PIK3C2B: variants seen among roughly 807,000 people sequenced by gnomAD.
PIK3C2B encodes the protein phosphatidylinositol-4-phosphate 3-kinase catalytic subunit type 2 beta, also known as phosphatidylinositol 4-phosphate 3-kinase C2 domain-containing subunit beta.
In PIK3C2B, 83 loss-of-function variants were observed where a neutral mutation model predicts 184.3. That is an observed-to-expected ratio of 0.45 (90% CI 0.38 to 0.54). The LOEUF (loss-of-function observed/expected upper bound fraction) is 0.54, where lower values mean the gene tolerates loss of function less well. Ranked by LOEUF, PIK3C2B falls within the 20% of genes least tolerant of loss-of-function variation. PIK3C2B has a pLI of 0.00. For missense variants in PIK3C2B, 1,736 were observed against 2,113.5 expected, an observed-to-expected ratio of 0.82 and a Z score of 3.50; for synonymous variants, 779 against 837.6, an observed-to-expected ratio of 0.93 and a Z score of 1.21.
In PIK3C2B at chr1:204,455,880, C is replaced by T. The variant is rs1311002740; in HGVS notation, c.1919G>A (p.Arg640His). ...CCTGGTAGCCCAGATGATGGGGATG[C>T]GGTGGGTGGCATAGACAGTGAAGGC... ...SLAFTVYATHRIPIIWATSYE... is the reference protein window; with the variant it reads ...SLAFTVYATHHIPIIWATSYE... Residue 640 changes from arginine to histidine, a missense_variant, in exon 11 of 33, where the codon CGC becomes CAC. This residue lies in a region of PIK3C2B where 609 missense variants were observed against 699.2 expected (regional missense o/e 0.87). Transcript: ENST00000684373. The T allele has an allele frequency of 1.1e-5, 17 of 1,612,344 alleles. No individual in the cohort carries two copies. Among genetic ancestry groups the T allele is most frequent in the African/African-American group, 5.3e-5 (4 of 74,910 alleles).
chr1:204,478,009 A>C (rs1426632109), intron 1 of PIK3C2B, among the ~76,000 whole-genome samples: 1 of 152,136 alleles, frequency 6.6e-6, no homozygotes, highest in African/African-American at 2.4e-5. Context: ...AAAGCTCTCA[A>C]GCAAGGCGGT....
chr1:204,451,012 C>G (rs1558250795), intron 12 of PIK3C2B, among the ~76,000 whole-genome samples: 2 of 152,220 alleles, frequency 1.3e-5, no homozygotes, highest in Non-Finnish European at 2.9e-5. Flanking sequence ...CCGCTGTCCT[C>G]CAGAGGAATC....
At chr1:204,430,901 A>G (rs935360343) in intron 28 of PIK3C2B, among the ~76,000 whole-genome samples, 1 of 150,412 alleles carries the variant, frequency 6.6e-6, no homozygotes, top group Non-Finnish European at 1.5e-5. Flanking sequence ...CAATCTGCCC[A>G]CCTAGGCCTC....
At chr1:204,440,938 G>A (rs747887303) in intron 21 of PIK3C2B, among the ~76,000 whole-genome samples, 5 of 152,078 alleles carry the variant, frequency 3.3e-5, no homozygotes, top group Non-Finnish European at 4.4e-5. Context: ...AAACTTGAAC[G>A]TTTAGACTTT....
chr1:204,442,254 A>T (rs1194127101), intron 20 of PIK3C2B, among the ~76,000 whole-genome samples: 2 of 152,178 alleles, frequency 1.3e-5, no homozygotes, highest in African/African-American at 4.8e-5. Context: ...TCTGTCTTTA[A>T]GCAGAGTTCA....
chr1:204,435,594 A>G (rs907211278), intron 23 of PIK3C2B: 4 of 152,150 alleles, frequency 2.6e-5, no homozygotes, highest in Non-Finnish European at 4.4e-5. Flanking sequence ...CAGACCTTCC[A>G]AGCTCATACT....
At chr1:204,465,508 C>T (rs1220841442) in intron 2 of PIK3C2B, among the ~76,000 whole-genome samples, 189 bp from the exon 3 acceptor site, 1 of 152,208 alleles carries the variant, frequency 6.6e-6, no homozygotes, top group Non-Finnish European at 1.5e-5. Flanking sequence ...AGACCAGGAG[C>T]CAAGTTGAAG....
chr1:204,432,680 T>C (rs926332918), intron 26 of PIK3C2B, among the ~76,000 whole-genome samples: 1 of 152,228 alleles, frequency 6.6e-6, no homozygotes, highest in Non-Finnish European at 1.5e-5. Flanking sequence ...TCACTCTCTC[T>C]GTGTAAATGT....
rs991467788 is a variant in PIK3C2B at position 204,431,747 on chromosome 1, T to C, written c.4202A>G (p.Tyr1401Cys). ...VMRENTHEAT[Y>C]IQRTFEEFQE... ...GAACTCCTCAAAGGTCCGCTGGATG[T>C]AGGTGGCCTCGTGAGTGTTCTCTCG... The change falls in exon 28 of 33, where the codon TAC becomes TGC. Residue 1401 changes from tyrosine (Y) to cysteine (C), a missense_variant. By Grantham distance (194) the Tyr-to-Cys change is radical. This residue lies in a region of PIK3C2B where 200 missense variants were observed against 199.1 expected (regional missense o/e 1.00). Coordinates refer to ENST00000684373, the MANE Select transcript of PIK3C2B (RefSeq NM_001377334.1). The C allele has an allele frequency of 6.2e-7, 1 of 1,614,190 alleles. No individual in the cohort carries two copies. The highest frequency in any genetic ancestry group is 8.5e-7 in the Non-Finnish European group (1 of 1,180,014).
intron 1 of PIK3C2B, among the ~76,000 whole-genome samples, chr1:204,473,387 G>T (rs757886236): frequency 6.6e-6 from 1 of 152,236 alleles, no homozygotes; most frequent in Non-Finnish European, 1.5e-5. Flanking sequence ...GCTCCTTACA[G>T]ATCACTTTTT....
chr1:204,441,883 G>A (rs919701765), intron 20 of PIK3C2B, among the ~76,000 whole-genome samples: 3 of 152,126 alleles, frequency 2.0e-5, no homozygotes, highest in African/African-American at 7.2e-5. Flanking sequence ...TTACTCCTCT[G>A]TAAAAGGGGA....
At chr1:204,491,933 G>A (rs1658041009) in intron 1 of PIK3C2B, among the ~76,000 whole-genome samples, 1 of 152,106 alleles carries the variant, frequency 6.6e-6, no homozygotes, top group South Asian at 2.1e-4. Flanking sequence ...AATATCATGA[G>A]GCATCCTTTC....
intron 27 of PIK3C2B, 83 bp downstream of exon 27, chr1:204,432,117 G>A (rs1205665506): frequency 2.4e-6 from 3 of 1,235,592 alleles, no homozygotes; most frequent in South Asian, 1.3e-5. Context: ...TGCCCACTGT[G>A]CAAGTGTGGA....
intron 1 of PIK3C2B, among the ~76,000 whole-genome samples, chr1:204,477,205 A>C (rs1170334827): frequency 6.6e-6 from 1 of 152,174 alleles, no homozygotes; most frequent in Non-Finnish European, 1.5e-5. Flanking sequence ...CGAAGCTTTA[A>C]AAATATACAC....
intron 16 of PIK3C2B, among the ~76,000 whole-genome samples, chr1:204,445,187 T>C (rs956796184): frequency 6.7e-6 from 1 of 148,666 alleles, no homozygotes; most frequent in Non-Finnish European, 1.5e-5. Context: ...TTTGCTTATG[T>C]ATAAATGTTG....
Position 204,432,365 on chromosome 1 carries a change from C to T in PIK3C2B, c.3990G>A (p.Lys1330=), listed in dbSNP as rs2103470189. ...IESSLGSVAT[K]LNFFIHNLAQ... is the part of the protein sequence containing the mutation. ...CCAGATTATGGATGAAAAAATTGAG[C>T]TTTGTGGCTACACTGCCCAGGCTGG... The change falls in exon 27 of 33, where the codon AAG becomes AAA. Residue 1330 remains lysine (K), a synonymous_variant. Transcript: ENST00000684373. 1.9e-6 allele frequency: 3 copies of T among 1,614,112 alleles called. No homozygotes were observed. The highest frequency in any genetic ancestry group is 2.5e-6 in the Non-Finnish European group (3 of 1,180,026).
At chr1:204,446,368 G>C (rs2103485590) in intron 15 of PIK3C2B, among the ~76,000 whole-genome samples, 1 of 152,344 alleles carries the variant, frequency 6.6e-6, no homozygotes, top group African/African-American at 2.4e-5. Context: ...AATGGCTGGG[G>C]AAGCCAGGCA....
intron 12 of PIK3C2B, among the ~76,000 whole-genome samples, chr1:204,453,430 A>G (rs1654543099): frequency 6.6e-6 from 1 of 152,166 alleles, no homozygotes; most frequent in Non-Finnish European, 1.5e-5. Context: ...TTTCATATTT[A>G]TATTTATAAC....
chr1:204,480,632 G>T lies in PIK3C2B; in HGVS notation c.-84-10746C>A, dbSNP rs545495898. Among the ~76,000 whole-genome samples, 5 of 152,170 alleles carry T rather than the reference G, an allele frequency of 3.3e-5. No homozygotes were observed. The South Asian group carries it at 8.3e-4, about 25-fold the overall frequency. ...GGTGCTGTCTGTGGGGAGGATGGGG[G>T]TGACTGCCTGTAAGCCTGGGTGCAG... On this transcript the variant is annotated intron_variant, in intron 1 of 32. Coordinates refer to ENST00000684373, the MANE Select transcript of PIK3C2B (RefSeq NM_001377334.1).
Sources: allele counts gnomAD v4.1 joint callset (sites outside exome capture counted in the v4.1 genomes callset), GRCh38; gene constraint gnomAD v4.1.1; regional missense constraint gnomAD v4.1.1; transcripts MANE v1.5; gene names NCBI Gene and HGNC (gene_info 2026-07-23, HGNC 2026-07-21).